Variants in CCSER2 observed in about 807,000 individuals in gnomAD.
CCSER2 encodes the protein serine-rich coiled-coil domain-containing protein 2.
Under a neutral mutation model 92.3 loss-of-function variants are expected in CCSER2, and 46 were observed. The observed-to-expected ratio is 0.50, with a 90% CI of 0.39 to 0.64. The LOEUF (loss-of-function observed/expected upper bound fraction) is 0.64, where lower values mean the gene tolerates loss of function less well. Ranked by LOEUF, CCSER2 falls within the 30% of genes least tolerant of loss-of-function variation. The pLI, the probability that CCSER2 is intolerant of heterozygous loss-of-function variation, is 0.00. For missense variants in CCSER2, 1,244 were observed against 1,238.9 expected, an observed-to-expected ratio of 1.00 and a Z score of -0.06; for synonymous variants, 433 against 431.4, an observed-to-expected ratio of 1.00 and a Z score of -0.04.
intron 6 of CCSER2, among the ~76,000 whole-genome samples, chr10:84,449,857 A>G (rs966954807): frequency 3.9e-5 from 6 of 152,190 alleles, no homozygotes; most frequent in African/African-American, 1.4e-4. Context: ...CAAAAACAAA[A>G]CAAACAAACA....
intron 5 of CCSER2, among the ~76,000 whole-genome samples, chr10:84,433,936 G>C (rs1843944597): frequency 6.6e-6 from 1 of 152,144 alleles, no homozygotes; most frequent in South Asian, 2.1e-4. Context: ...CTGCCTGCCT[G>C]GGCTATGATC....
Position 84,391,712 on chromosome 10 carries a change from T to TA in CCSER2, c.1614+17898dup, listed in dbSNP as rs1416416644. ...AGCAATAACGATTGGTCGTCTTGGT[T>TA]ACGTGTGTCTTCAAGAGGTGGCCCC... On this transcript the variant is annotated intron_variant, in intron 3 of 9. Transcript: ENST00000372088. 2.7e-6 allele frequency: 4 copies of TA among 1,502,184 alleles called. No individual in the cohort carries two copies. In the African/African-American group the frequency reaches 5.5e-5, roughly 21 times the overall value. The allele number at this position is 1,502,184 out of a possible 1,614,324, so 93.1% of individuals were successfully genotyped here. A position where few individuals can be genotyped will look rare whatever the true frequency, so the allele number is the denominator to read the frequency against.
intron 9 of CCSER2, among the ~76,000 whole-genome samples, chr10:84,507,622 A>T (rs1038501788): frequency 2.0e-5 from 3 of 152,034 alleles, no homozygotes; most frequent in African/African-American, 7.3e-5. Flanking sequence ...ACATATTTTT[A>T]CTCCATCAGG....
intron 3 of CCSER2, chr10:84,391,628 C>T (rs1383459965): frequency 2.4e-5 from 37 of 1,532,590 alleles, no homozygotes; most frequent in Non-Finnish European, 3.2e-5. Flanking sequence ...TATGGTGTTG[C>T]ACTAGCTTGT....
intron 1 of CCSER2, among the ~76,000 whole-genome samples, chr10:84,354,828 A>G (rs1449369823): frequency 6.6e-6 from 1 of 151,362 alleles, no homozygotes; most frequent in Middle Eastern, 3.4e-3. Context: ...TTTTCCCCAG[A>G]CATAATGTTT....
At chr10:84,490,345 G>T (rs1483839882) in intron 9 of CCSER2, among the ~76,000 whole-genome samples, 1 of 152,138 alleles carries the variant, frequency 6.6e-6, no homozygotes, top group African/African-American at 2.4e-5. Context: ...TTTCCAACTT[G>T]GTTCCATTCT....
intron 9 of CCSER2, among the ~76,000 whole-genome samples, chr10:84,503,316 T>G (rs1410112303): frequency 1.3e-5 from 2 of 152,228 alleles, no homozygotes; most frequent in Non-Finnish European, 2.9e-5. Flanking sequence ...TTACATTTCT[T>G]AAGTATATTA....
intron 1 of CCSER2, among the ~76,000 whole-genome samples, chr10:84,333,317 G>A (rs1038991861): frequency 1.3e-5 from 2 of 152,132 alleles, no homozygotes; most frequent in African/African-American, 4.8e-5. Flanking sequence ...TGAGTGCTGG[G>A]TGTTTTGCTG....
chr10:84,457,335 T>TAA (rs1564685171), intron 6 of CCSER2, among the ~76,000 whole-genome samples: 1 of 43,516 alleles, frequency 2.3e-5, no homozygotes, highest in Non-Finnish European at 4.8e-5. Context: ...ATATAATATA[T>TAA]TATATATTAT....
At chr10:84,358,386 T>C (rs994750934) in intron 1 of CCSER2, among the ~76,000 whole-genome samples, 5 of 152,146 alleles carry the variant, frequency 3.3e-5, no homozygotes, top group African/African-American at 1.2e-4. Flanking sequence ...AGGAGATTCA[T>C]GTCTTTTCCT....
At chr10:84,469,544 C>T (rs1164015765) in intron 7 of CCSER2, among the ~76,000 whole-genome samples, 4 of 152,076 alleles carry the variant, frequency 2.6e-5, no homozygotes, top group Non-Finnish European at 5.9e-5. Flanking sequence ...TACAACACAT[C>T]CTAATTATTT....
At chr10:84,373,862 A>G (rs1240344955) in intron 3 of CCSER2, 47 bp downstream of exon 3, 2 of 1,610,380 alleles carry the variant, frequency 1.2e-6, no homozygotes, top group Non-Finnish European at 8.5e-7. Context: ...TTACCCTACT[A>G]TAGAGAGACT....
chr10:84,477,807 C>G, intron 9 of CCSER2, 143 bp downstream of exon 9: 1 of 576,906 alleles, frequency 1.7e-6, no homozygotes, highest in Non-Finnish European at 3.1e-6. Flanking sequence ...TTGCTTGTCT[C>G]TTAGGTGTTT....
intron 3 of CCSER2, among the ~76,000 whole-genome samples, chr10:84,398,400 G>A (rs559653238): frequency 2.6e-5 from 4 of 152,236 alleles, no homozygotes; most frequent in South Asian, 4.1e-4. Flanking sequence ...TATTTACAGG[G>A]ATTATTCTGC....
At chr10:84,431,017 G>A (rs1843732080) in intron 5 of CCSER2, among the ~76,000 whole-genome samples, 2 of 152,064 alleles carry the variant, frequency 1.3e-5, no homozygotes, top group Non-Finnish European at 2.9e-5. Flanking sequence ...AGCAAAAATA[G>A]AGTTCTCATA....
chr10:84,337,088 G>C (rs1843880460), intron 1 of CCSER2, among the ~76,000 whole-genome samples: 1 of 152,184 alleles, frequency 6.6e-6, no homozygotes, highest in South Asian at 2.1e-4. Flanking sequence ...ATGGTGAAGA[G>C]AGCTGGGTAT....
Position 84,513,957 on chromosome 10 carries a change from C to G in CCSER2, c.2834C>G (p.Pro945Arg). The G allele has an allele frequency of 2.0e-6, 3 of 1,536,620 alleles. No homozygotes were observed. The highest frequency in any genetic ancestry group is 1.7e-6 in the Non-Finnish European group (2 of 1,147,008). Reference sequence around the variant, plus strand: ...TCTGAATCATCTCCAAGTAGGACTCCCACTTGTAAAAAGTCACCAATAATC... The same window carrying G: ...TCTGAATCATCTCCAAGTAGGACTCGCACTTGTAAAAAGTCACCAATAATC... ...PVSESSPSRTPTCKKSPIITT... is the reference protein window; with the variant it reads ...PVSESSPSRTRTCKKSPIITT... Residue 945 changes from proline (P) to arginine (R), a missense_variant, in exon 10 of 10, where the codon CCC becomes CGC. By Grantham distance (103) the Pro-to-Arg change is moderately radical (BLOSUM62 -2). Transcript: ENST00000372088.
At position 84,359,128 on chromosome 10, in the gene CCSER2, A is replaced by G. The variant is rs562931659; in HGVS notation, c.-39-11886A>G. Among the ~76,000 whole-genome samples the G allele has an allele frequency of 3.3e-5, 5 of 151,812 alleles. No individual in the cohort carries two copies. The East Asian group carries it at 9.7e-4, about 30-fold the overall frequency. ...TTCAGGACATACACTTTTTTGTCCC[A>G]ACTTTTTTTTTTCTTTTTAAAAAGT... is the stretch of plus-strand genomic sequence containing the variant. On this transcript the variant is annotated intron_variant, in intron 1 of 9. Transcript: ENST00000372088.
chr10:84,421,345 C>T (rs951997046), intron 4 of CCSER2, among the ~76,000 whole-genome samples: 1 of 152,098 alleles, frequency 6.6e-6, no homozygotes, highest in Admixed American at 6.6e-5. Context: ...GTAATTTATA[C>T]AGGAAAGAGG....
Sources: allele counts gnomAD v4.1 joint callset (sites outside exome capture counted in the v4.1 genomes callset), GRCh38; gene constraint gnomAD v4.1.1; transcripts MANE v1.5; gene names NCBI Gene and HGNC (gene_info 2026-07-23, HGNC 2026-07-21).